Variants in CAPZA1 observed in about 807,000 individuals in gnomAD.
The protein encoded by CAPZA1 is F-actin-capping protein subunit alpha-1.
Under a neutral mutation model 40.8 loss-of-function variants are expected in CAPZA1, and 10 were observed. That is an observed-to-expected ratio of 0.25 (90% CI 0.15 to 0.42). The LOEUF (loss-of-function observed/expected upper bound fraction) is 0.42. CAPZA1 is among the 10% of genes least tolerant of loss of function. The pLI is 1.00. For synonymous variants in CAPZA1, 98 were observed against 115.0 expected, an observed-to-expected ratio of 0.85 and a Z score of 0.95; for missense variants, 277 against 353.8, an observed-to-expected ratio of 0.78 and a Z score of 1.74.
At chr1:112,654,321 G>A (rs896847487) in intron 4 of CAPZA1, 144 bp from the exon 5 acceptor site, 40 of 584,332 alleles carry the variant, frequency 6.8e-5, no homozygotes, top group South Asian at 1.2e-4. Context: ...TTAATAATAC[G>A]GGACTTGGTT....
At chr1:112,636,779 T>TA (rs755864652) in intron 1 of CAPZA1, among the ~76,000 whole-genome samples, 1 of 152,218 alleles carries the variant, frequency 6.6e-6, no homozygotes, top group African/African-American at 2.4e-5. Context: ...AAATCACTGT[T>TA]AATGAAAATG....
chr1:112,646,239 T>G (rs1232693382), intron 1 of CAPZA1, among the ~76,000 whole-genome samples: 1 of 152,040 alleles, frequency 6.6e-6, no homozygotes, highest in Non-Finnish European at 1.5e-5. Context: ...TCTAATACAG[T>G]GGTGAATAGT....
intron 8 of CAPZA1, among the ~76,000 whole-genome samples, chr1:112,669,233 G>A (rs1335883274): frequency 2.0e-5 from 3 of 152,202 alleles, no homozygotes; most frequent in Non-Finnish European, 4.4e-5. Flanking sequence ...GTGGTAGAGT[G>A]GAAACAGCAT....
chr1:112,622,746 T>G (rs1670700981), intron 1 of CAPZA1, among the ~76,000 whole-genome samples: 1 of 152,236 alleles, frequency 6.6e-6, no homozygotes, highest in Non-Finnish European at 1.5e-5. Flanking sequence ...CTACATGCTT[T>G]CAGTTTAGAC....
intron 5 of CAPZA1, among the ~76,000 whole-genome samples, chr1:112,657,802 G>A (rs1428481097): frequency 6.6e-6 from 1 of 152,064 alleles, no homozygotes; most frequent in Non-Finnish European, 1.5e-5. Context: ...ATGTTGGCCG[G>A]GCTGGTCTTG....
intron 1 of CAPZA1, among the ~76,000 whole-genome samples, chr1:112,639,145 A>C (rs1434763778): frequency 6.6e-6 from 1 of 152,064 alleles, no homozygotes; most frequent in African/African-American, 2.4e-5. Flanking sequence ...ACTGTCAGGA[A>C]ATAACATAGG....
chr1:112,662,628 G>T (rs1671640473), intron 7 of CAPZA1, among the ~76,000 whole-genome samples: 1 of 151,870 alleles, frequency 6.6e-6, no homozygotes, highest in South Asian at 2.1e-4. Flanking sequence ...TCGAACTCCT[G>T]ACCTTGTGAT....
chr1:112,632,577 G>A (rs1670942039), intron 1 of CAPZA1, among the ~76,000 whole-genome samples: 1 of 152,106 alleles, frequency 6.6e-6, no homozygotes, highest in African/African-American at 2.4e-5. Context: ...GGGCAGGGAG[G>A]CGGGGTGGGG....
intron 7 of CAPZA1, among the ~76,000 whole-genome samples, chr1:112,664,096 G>C (rs1174853200): frequency 6.6e-6 from 1 of 152,038 alleles, no homozygotes; most frequent in East Asian, 1.9e-4. Flanking sequence ...GCTGGCCATG[G>C]TGGCACGCAC....
chr1:112,654,224 G>A (rs535244711), intron 4 of CAPZA1, among the ~76,000 whole-genome samples: 1 of 152,232 alleles, frequency 6.6e-6, no homozygotes, highest in Non-Finnish European at 1.5e-5. Context: ...TTATGTATAA[G>A]TATATATTAG....
Position 112,649,372 on chromosome 1 carries a change from C to A in CAPZA1, c.104-46C>A, listed in dbSNP as rs373205268. 15 of 1,462,142 alleles carry A rather than the reference C, an allele frequency of 1.0e-5. No individual in the cohort carries two copies. In the African/African-American group the frequency reaches 2.1e-4, roughly 21 times the overall value. The allele number at this position is 1,462,142 out of a possible 1,614,324, so 90.6% of individuals were successfully genotyped here. On this transcript the variant is annotated intron_variant, in intron 2 of 9. Coordinates refer to ENST00000263168, the MANE Select transcript of CAPZA1 (RefSeq NM_006135.3). The stretch of plus-strand genomic sequence containing the variant: ...TCAATCTAGAAATCTGCTAAAATTT[C>A]TCAAATTTATCCTCCACTGAACATT...
chr1:112,631,760 C>T (rs1411366177), intron 1 of CAPZA1, among the ~76,000 whole-genome samples: 1 of 152,042 alleles, frequency 6.6e-6, no homozygotes, highest in South Asian at 2.1e-4. Context: ...GGGCAACCTC[C>T]GGACCAGAAT....
At chr1:112,659,372 T>A (rs1671558126) in intron 6 of CAPZA1, 1 of 532,704 alleles carries the variant, frequency 1.9e-6, no homozygotes, top group African/African-American at 1.9e-5. Context: ...GCTACTTGAG[T>A]TAATTGTGTA....
chr1:112,654,419 A>G (rs748766717), intron 4 of CAPZA1, 46 bp from the exon 5 acceptor site: 34 of 1,264,702 alleles, frequency 2.7e-5, no homozygotes, highest in Non-Finnish European at 3.5e-5. Flanking sequence ...GGCAGTAAGA[A>G]TTGTCTTTTT....
intron 1 of CAPZA1, 87 bp from the exon 2 acceptor site, chr1:112,647,123 G>C: frequency 1.6e-6 from 1 of 622,762 alleles, no homozygotes; most frequent in East Asian, 3.0e-5. Flanking sequence ...CAAGGGATAT[G>C]ATGAAAATTT....
intron 8 of CAPZA1, among the ~76,000 whole-genome samples, chr1:112,668,267 C>A (rs1356191952): frequency 6.6e-6 from 1 of 151,998 alleles, no homozygotes; most frequent in Non-Finnish European, 1.5e-5. Context: ...CAGAATGAAA[C>A]CCTGTCTCAA....
intron 3 of CAPZA1, chr1:112,649,683 T>C (rs1671347237): frequency 1.8e-6 from 1 of 547,312 alleles, no homozygotes; most frequent in Admixed American, 3.7e-5. Flanking sequence ...AACTAGTTTT[T>C]ATTTCTGCCC....
intron 1 of CAPZA1, among the ~76,000 whole-genome samples, chr1:112,635,745 G>A (rs1671002196): frequency 6.6e-6 from 1 of 152,106 alleles, no homozygotes; most frequent in Admixed American, 6.5e-5. Flanking sequence ...TTAAAAGCTA[G>A]TGATGGCTGG....
intron 7 of CAPZA1, among the ~76,000 whole-genome samples, chr1:112,665,015 A>G (rs1377024264): frequency 6.6e-6 from 1 of 152,142 alleles, no homozygotes; most frequent in Non-Finnish European, 1.5e-5. Flanking sequence ...AGGCTTAATA[A>G]ATAATAGCTC....
Sources: allele counts gnomAD v4.1 joint callset (sites outside exome capture counted in the v4.1 genomes callset), GRCh38; gene constraint gnomAD v4.1.1; transcripts MANE v1.5; gene names NCBI Gene and HGNC (gene_info 2026-07-23, HGNC 2026-07-21).